SCN8A: variants seen among roughly 807,000 people sequenced by gnomAD.
SCN8A encodes the protein sodium channel protein type 8 subunit alpha.
Under a neutral mutation model 184.1 loss-of-function variants are expected in SCN8A, and 30 were observed. The ratio of observed to expected loss-of-function variants is 0.16; its 90% confidence interval spans 0.12 to 0.22. The LOEUF (loss-of-function observed/expected upper bound fraction) is 0.22. SCN8A is among the 10% of genes least tolerant of loss of function. The pLI, the probability that SCN8A is intolerant of heterozygous loss-of-function variation, is 1.00. For synonymous variants in SCN8A, 852 were observed against 907.0 expected (o/e 0.94, Z 1.09); for missense variants, 1,057 against 2,498.9 (o/e 0.42, Z 12.30).
intron 12 of SCN8A, among the ~76,000 whole-genome samples, chr12:51,734,772 A>G (rs1374844900): frequency 1.3e-5 from 2 of 152,234 alleles, no homozygotes; most frequent in Non-Finnish European, 1.5e-5. Context: ...ACAGTGAGCT[A>G]CTTCTTGCAG....
At position 51,705,541 on chromosome 12, in the gene SCN8A, C is replaced by T; in HGVS notation, c.1259C>T (p.Ala420Val). 2.5e-6 allele frequency: 4 copies of T among 1,613,950 alleles called. No individual in the cohort carries two copies. The South Asian group carries it at 4.4e-5, about 18-fold the overall frequency. The change falls in exon 10 of 27, where the codon GCA becomes GTA. Residue 420 changes from alanine to valine, a missense_variant. Transcript: ENST00000627620. ...VAMAYEEQNQ[A>V]TLEEAEQKEA... ...ATGGCTTATGAAGAACAGAATCAGG[C>T]AACACTGGAGGAGGCAGAACAAAAA... is the stretch of plus-strand genomic sequence containing the variant.
intron 20 of SCN8A, among the ~76,000 whole-genome samples, chr12:51,779,219 C>CAAAAAAAAA: frequency 8.0e-6 from 1 of 125,178 alleles, no homozygotes; most frequent in African/African-American, 3.2e-5. Context: ...GACTTTGTCT[C>CAAAAAAAAA]AAAAAAAAAA....
intron 2 of SCN8A, among the ~76,000 whole-genome samples, chr12:51,682,168 C>T (rs1204674642): frequency 1.3e-5 from 2 of 152,122 alleles, no homozygotes; most frequent in Non-Finnish European, 2.9e-5. Context: ...CTTTGCATTC[C>T]TGGGATAAAT....
At chr12:51,797,203 C>T (rs759469443) in intron 26 of SCN8A, among the ~76,000 whole-genome samples, 9 of 152,234 alleles carry the variant, frequency 5.9e-5, no homozygotes, top group Admixed American at 3.9e-4. Context: ...GTCCTAATTA[C>T]GCCTAACATA....
At chr12:51,635,468 C>G (rs901777373) in intron 1 of SCN8A, among the ~76,000 whole-genome samples, 7 of 54,682 alleles carry the variant, frequency 1.3e-4, no homozygotes, top group Non-Finnish European at 2.4e-4. Flanking sequence ...GTAAATAATT[C>G]TTGAATGAAT....
chr12:51,691,790 GT>G (rs1457697223), intron 6 of SCN8A, among the ~76,000 whole-genome samples: 3 of 152,196 alleles, frequency 2.0e-5, no homozygotes, highest in African/African-American at 7.2e-5. Flanking sequence ...CCGATTCTAT[GT>G]TTTAGAGTTA....
chr12:51,692,792 A>G (rs1431488017), intron 6 of SCN8A, among the ~76,000 whole-genome samples: 2 of 152,238 alleles, frequency 1.3e-5, no homozygotes, highest in African/African-American at 4.8e-5. Flanking sequence ...GCCCAAAGAA[A>G]GGGTGGGAAT....
chr12:51,678,422 A>G (rs1446446687), intron 2 of SCN8A, among the ~76,000 whole-genome samples: 2 of 152,232 alleles, frequency 1.3e-5, no homozygotes, highest in East Asian at 3.8e-4. Context: ...ATAAATAATA[A>G]TAGGCTTTCT....
rs1252987772 is a variant in SCN8A at position 51,742,523 on chromosome 12, C to T, written c.1999-3380C>T. 2.0e-5 allele frequency among the ~76,000 whole-genome samples: 3 copies of T among 151,524 alleles called. No homozygotes were observed. In the South Asian group the frequency reaches 6.2e-4, roughly 32 times the overall value. On this transcript the variant is annotated intron_variant, in intron 12 of 26. Transcript: ENST00000627620. The stretch of plus-strand genomic sequence containing the variant: ...ACTTTAAATATATCATTACCACTTT[C>T]TCCTAGCCTGTAAGGTTTTTCACTG...
chr12:51,775,811 A>G (rs1013822755), intron 20 of SCN8A, among the ~76,000 whole-genome samples: 1 of 152,224 alleles, frequency 6.6e-6, no homozygotes, highest in African/African-American at 2.4e-5. Flanking sequence ...TGGTACTCCC[A>G]GCTGCCTGGG....
rs956880997 is a variant in SCN8A, at chr12:51,610,180, A to C, written c.-55+18821A>C. ...GCAAAACTCTGTCTCAAAAAAAAAA[A>C]AAAAAAAAAAAAGGAATAGCTCTCC... On this transcript the variant is annotated intron_variant, in intron 1 of 26. Transcript: ENST00000627620. 6.0e-5 allele frequency among the ~76,000 whole-genome samples: 9 copies of C among 149,110 alleles called. No homozygotes were observed. In the East Asian group the frequency reaches 1.6e-3, roughly 26 times the overall value.
At chr12:51,796,721 G>A (rs866243750) in intron 26 of SCN8A, among the ~76,000 whole-genome samples, 7 of 152,160 alleles carry the variant, frequency 4.6e-5, no homozygotes, top group Middle Eastern at 3.2e-3. Context: ...TCAAAAGTAG[G>A]GAAGCTGACA....
intron 11 of SCN8A, chr12:51,713,656 C>T: frequency 1.8e-6 from 1 of 560,398 alleles, no homozygotes; most frequent in East Asian, 2.9e-5. Flanking sequence ...CATCTCCGAC[C>T]TATTTCTCTA....
intron 1 of SCN8A, among the ~76,000 whole-genome samples, chr12:51,635,242 C>T (rs1940289763): frequency 6.6e-6 from 1 of 152,138 alleles, no homozygotes; most frequent in African/African-American, 2.4e-5. Flanking sequence ...AGAAAACTAC[C>T]CCTTCCCTCT....
intron 12 of SCN8A, among the ~76,000 whole-genome samples, chr12:51,723,718 A>C (rs1041906254): frequency 1.3e-5 from 2 of 152,024 alleles, no homozygotes; most frequent in Non-Finnish European, 2.9e-5. Context: ...CTCTACTACA[A>C]ATACAAAAGA....
chr12:51,661,987 C>A (rs914507580), intron 1 of SCN8A, among the ~76,000 whole-genome samples: 1 of 152,206 alleles, frequency 6.6e-6, no homozygotes, highest in Admixed American at 6.5e-5. Flanking sequence ...TTGAGCCCCT[C>A]TCAGGAGTCG....
At chr12:51,705,323 A>G (rs1941764624) in intron 9 of SCN8A, 94 bp from the exon 10 acceptor site, 2 of 1,139,506 alleles carry the variant, frequency 1.8e-6, no homozygotes, top group Non-Finnish European at 2.6e-6. Flanking sequence ...ACAAAATGCA[A>G]ATAGTGCCCT....
rs1031935135 is a variant in SCN8A, at chr12:51,806,653, C to G, written c.5167C>G (p.Leu1723Val). ...PILNRPPDCS[L>V]DKEHPGSGFK... is the part of the protein sequence containing the mutation. ...CCTAAACCGCCCCCCTGACTGCAGCCTAGATAAGGAACACCCAGGGAGTGG... is the reference window on the plus strand; with the variant it reads ...CCTAAACCGCCCCCCTGACTGCAGCGTAGATAAGGAACACCCAGGGAGTGG... Residue 1723 changes from leucine (L) to valine (V), a missense_variant, in exon 27 of 27, where the codon CTA (leucine) becomes GTA (valine). Leu to Val is a conservative substitution (Grantham distance 32, BLOSUM62 1). Transcript: ENST00000627620. This position sits in a 1 kb window ranked among gnomAD's most constrained non-coding sequence, Gnocchi z 8.7. The G allele has an allele frequency of 5.0e-6, 8 of 1,614,192 alleles. No individual in the cohort carries two copies. Among genetic ancestry groups the G allele is most frequent in the Non-Finnish European group, 6.8e-6 (8 of 1,180,010 alleles).
chr12:51,712,041 G>A (rs1194010545), intron 11 of SCN8A, among the ~76,000 whole-genome samples: 1 of 152,044 alleles, frequency 6.6e-6, no homozygotes, highest in African/African-American at 2.4e-5. Flanking sequence ...TAAAGTTTCT[G>A]TACTAAAATG....
Sources: gnomAD v4.1 joint callset for allele counts (sites outside exome capture counted in the v4.1 genomes callset) on GRCh38, gnomAD v4.1.1 for gene constraint, Gnocchi (gnomAD v3.1) non-coding constraint, MANE v1.5 for transcripts, NCBI Gene and HGNC (gene_info 2026-07-23, HGNC 2026-07-21) for gene names.